Variants in CACNA1H observed in about 807,000 individuals in gnomAD.
The protein encoded by CACNA1H is calcium voltage-gated channel subunit alpha1 H.
CACNA1H carries 149 observed loss-of-function variants against 192.5 expected under a neutral mutation model. That is an observed-to-expected ratio of 0.77 (90% CI 0.68 to 0.89). The LOEUF (loss-of-function observed/expected upper bound fraction) is 0.89. Ranked by LOEUF, CACNA1H falls within the 40% of genes least tolerant of loss-of-function variation. The pLI is 0.00. For missense variants in CACNA1H, 4,257 were observed against 3,423.5 expected (o/e 1.24, Z -6.08); for synonymous variants, 2,202 against 1,475.2 (o/e 1.49, Z -11.29).
chr16:1,198,995 C>A (rs1159090403), intron 6 of CACNA1H: 1 of 562,250 alleles, frequency 1.8e-6, no homozygotes, highest in South Asian at 2.0e-5. Context: ...CACATGGCTC[C>A]GCCCACGGTG....
chr16:1,202,976 G>A (rs1458177606), intron 9 of CACNA1H, among the ~76,000 whole-genome samples: 1 of 152,076 alleles, frequency 6.6e-6, no homozygotes, highest in Non-Finnish European at 1.5e-5. Flanking sequence ...TCCACCAGGT[G>A]AATGGGAGAC....
rs1248000181 is a variant in CACNA1H at position 1,213,788 on chromosome 16, C to A, written c.4786C>A (p.Arg1596Ser). 3.9e-6 allele frequency: 6 copies of A among 1,558,172 alleles called. No homozygotes were observed. The highest frequency in any genetic ancestry group is 3.8e-5 in the Admixed American group (2 of 51,964). The change falls in exon 27 of 35, where the codon CGC (arginine) becomes AGC (serine). Residue 1596 changes from arginine to serine, a missense_variant. Physicochemically the swap from Arg to Ser is moderately radical, Grantham distance 110. Coordinates refer to ENST00000348261, the MANE Select transcript of CACNA1H (RefSeq NM_021098.3). ...RSTFPSPEAQRRPYYADYSPT... is the reference protein window; with the variant it reads ...RSTFPSPEAQSRPYYADYSPT... ...GGCCGCCCTCCCCGCAGAGGCCCAG[C>A]GCCGGCCCTACTATGCCGACTACTC...
chr16:1,206,920 A>ACCCC, intron 12 of CACNA1H, 81 bp from the exon 13 acceptor site: 1 of 48,168 alleles, frequency 2.1e-5, no homozygotes, highest in Non-Finnish European at 3.8e-5. Flanking sequence ...CCCTCCTCCC[A>ACCCC]CCCCCCTCCC....
chr16:1,196,129 G>A, intron 5 of CACNA1H, 106 bp downstream of exon 5: 2 of 901,412 alleles, frequency 2.2e-6, no homozygotes, highest in Non-Finnish European at 3.5e-6. Flanking sequence ...GGGAAATGAA[G>A]GTTACCAGGC....
rs1354832663 is a variant in CACNA1H, at chr16:1,217,942, G to A, written c.5347G>A (p.Glu1783Lys). The A allele has an allele frequency of 1.1e-5, 17 of 1,605,546 alleles. No homozygotes were observed. The highest frequency in any genetic ancestry group is 2.2e-5 in the South Asian group (2 of 89,526). ...AGAGTGCAGTGAAGACAACCCCTGC[G>A]AGGGCCTGAGCAGGCACGCCACCTT... The part of the protein sequence containing the change: ...RLECSEDNPC[E>K]GLSRHATFSN... Residue 1783 changes from glutamate (E) to lysine (K), a missense_variant, in exon 32 of 35, where the codon GAG (glutamate) becomes AAG (lysine). Coordinates refer to ENST00000348261, the MANE Select transcript of CACNA1H (RefSeq NM_021098.3).
chr16:1,199,420 A>AG lies in CACNA1H; in HGVS notation c.803+646_803+647insG, dbSNP rs1567504534. On this transcript the variant is annotated intron_variant, in intron 6 of 34. Coordinates refer to ENST00000348261, the MANE Select transcript of CACNA1H (RefSeq NM_021098.3). ...GTCGCTGCACATATGCCCCACCCCCATCATGGCTCCGCCCACCGTGCGGTC... is the reference window on the plus strand; with the variant it reads ...GTCGCTGCACATATGCCCCACCCCCAGTCATGGCTCCGCCCACCGTGCGGTC... Among the ~76,000 whole-genome samples the AG allele has an allele frequency of 2.3e-4, 4 of 17,606 alleles. 2 individuals carry two copies. The highest frequency in any genetic ancestry group is 5.6e-3 in the South Asian group (2 of 356). 11.6% of individuals were successfully genotyped at this position (17,606 alleles called of 152,430 possible). A position where few individuals can be genotyped will look rare whatever the true frequency, so the allele number is the denominator to read the frequency against.
Position 1,179,393 on chromosome 16 carries a change from T to G in CACNA1H, c.300-15579T>G, listed in dbSNP as rs74004852. Among the ~76,000 whole-genome samples the G allele has an allele frequency of 4.2e-3, 634 of 152,210 alleles. 2 individuals are homozygous for G. The highest frequency in any genetic ancestry group is 0.015 in the African/African-American group (605 of 41,548). On this transcript the variant is annotated intron_variant, in intron 2 of 34. Coordinates refer to ENST00000348261, the MANE Select transcript of CACNA1H (RefSeq NM_021098.3). ...ATGGACTCTCCTGCCCCCGCGAGGT[T>G]GGGGAGGTGGGAGAGCCGACCGAGC... is the stretch of plus-strand genomic sequence containing the variant.
rs1567538690 is a variant in CACNA1H, at chr16:1,210,558, G to A, written c.3970-25G>A. 5.6e-6 allele frequency: 9 copies of A among 1,609,738 alleles called. No individual in the cohort carries two copies. The East Asian group carries it at 6.7e-5, about 12-fold the overall frequency. On this transcript the variant is annotated intron_variant, in intron 19 of 34. Coordinates refer to ENST00000348261, the MANE Select transcript of CACNA1H (RefSeq NM_021098.3). ...CCCAGGGAGGGGTGGAGTGGACACAGCCCCCCACCGTCCTCTCCCGGCAGG... is the reference window on the plus strand; with the variant it reads ...CCCAGGGAGGGGTGGAGTGGACACAACCCCCCACCGTCCTCTCCCGGCAGG...
Position 1,221,397 on chromosome 16 carries a change from T to TCTCTG in CACNA1H, c.*403_*404insCTCTG. On this transcript the variant is annotated 3_prime_UTR_variant, in exon 35 of 35. Coordinates refer to ENST00000348261, the MANE Select transcript of CACNA1H (RefSeq NM_021098.3). ...GCCCTGTGCCCTTGCCGGCGGCAGG[T>TCTCTG]TGCAGCCACCGCGGCCCAATGTCAC... 3.3e-6 allele frequency: 1 copy of TCTCTG among 303,200 alleles called. No individual in the cohort carries two copies. The highest frequency in any genetic ancestry group is 6.3e-5 in the South Asian group (1 of 15,992). 18.8% of individuals were successfully genotyped at this position (303,200 alleles called of 1,614,324 possible).
At position 1,167,849 on chromosome 16, in the gene CACNA1H, C is replaced by G. The variant is rs1301234587; in HGVS notation, c.299+13813C>G. On this transcript the variant is annotated intron_variant, in intron 2 of 34. Coordinates refer to ENST00000348261, the MANE Select transcript of CACNA1H (RefSeq NM_021098.3). This position sits in a 1 kb window ranked among gnomAD's most constrained non-coding sequence, Gnocchi z 4.2. ...CTGCGAGGTTGGGGCGTGGCCTGGC[C>G]GTCCGTCCGCGGGGCCCGGGCTGCC... Among the ~76,000 whole-genome samples, 3 of 152,186 alleles carry G rather than the reference C, an allele frequency of 2.0e-5. No individual in the cohort carries two copies. Among genetic ancestry groups the G allele is most frequent in the Non-Finnish European group, 4.4e-5 (3 of 68,012 alleles).
intron 2 of CACNA1H, among the ~76,000 whole-genome samples, chr16:1,173,498 T>G (rs1352855512): frequency 6.6e-6 from 1 of 152,256 alleles, no homozygotes; most frequent in Non-Finnish European, 1.5e-5. Context: ...ACATGAAAAA[T>G]TTTAAAAAAT....
rs745936155 is a variant in CACNA1H at position 1,205,249 on chromosome 16, A to G, written c.2587A>G (p.Ile863Val). 1.7e-5 allele frequency: 28 copies of G among 1,607,736 alleles called. No homozygotes were observed. In the South Asian group the frequency reaches 2.7e-4, roughly 16 times the overall value. ...IRNPYNIFDG[I>V]IVVISVWEIV... is the part of the protein sequence containing the mutation. ...GAACCCGTACAACATCTTCGACGGC[A>G]TCATCGTGGTCATCAGGTGGGTCCC... The change falls in exon 11 of 35, where the codon ATC becomes GTC. Residue 863 changes from isoleucine to valine, a missense_variant. Transcript: ENST00000348261.
Position 1,218,789 on chromosome 16 carries a change from C to A in CACNA1H, c.5887+138C>A, listed in dbSNP as rs996620670. On this transcript the variant is annotated intron_variant, in intron 33 of 34. Transcript: ENST00000348261. Reference sequence around the variant, plus strand: ...GGGCGGGAAGGAGGATGGGGGCAGGCAGGAGGGAGGATGGAGGCCAGATTG... The same window carrying A: ...GGGCGGGAAGGAGGATGGGGGCAGGAAGGAGGGAGGATGGAGGCCAGATTG... 1.1e-5 allele frequency: 12 copies of A among 1,138,794 alleles called. No homozygotes were observed. The African/African-American group carries it at 1.2e-4, about 12-fold the overall frequency. 70.5% of individuals were successfully genotyped at this position (1,138,794 alleles called of 1,614,324 possible). A position where few individuals can be genotyped will look rare whatever the true frequency, so the allele number is the denominator to read the frequency against.
At chr16:1,193,905 C>T (rs1347062240) in intron 2 of CACNA1H, among the ~76,000 whole-genome samples, 1 of 152,140 alleles carries the variant, frequency 6.6e-6, no homozygotes, top group Admixed American at 6.5e-5. Flanking sequence ...ACCGTGGCAG[C>T]TGCCCTTCCT....
chr16:1,209,503 GTGT>G, intron 17 of CACNA1H, 91 bp downstream of exon 17: 1 of 1,494,920 alleles, frequency 6.7e-7, no homozygotes, highest in Non-Finnish European at 9.1e-7. Context: ...GATTCAGGGC[GTGT>G]TGTTGACTGA....
At chr16:1,155,775 T>C (rs2151618026) in intron 2 of CACNA1H, among the ~76,000 whole-genome samples, 1 of 152,250 alleles carries the variant, frequency 6.6e-6, no homozygotes, top group East Asian at 1.9e-4. Flanking sequence ...AAGGAGGTTG[T>C]TTGCGTTGCT....
At chr16:1,218,672 A>G (rs1393899625) in intron 33 of CACNA1H, 21 bp downstream of exon 33, 4 of 1,451,434 alleles carry the variant, frequency 2.8e-6, no homozygotes, top group Non-Finnish European at 3.7e-6. Flanking sequence ...CAGCAGGAAG[A>G]TATGGGCTGG....
At chr16:1,176,296 C>G (rs1567459008) in intron 2 of CACNA1H, among the ~76,000 whole-genome samples, 1 of 152,220 alleles carries the variant, frequency 6.6e-6, no homozygotes, top group Non-Finnish European at 1.5e-5. Context: ...CACGGGAGGG[C>G]AGGGGCGAGG....
chr16:1,218,054 C>A lies in CACNA1H; in HGVS notation c.5445+14C>A, dbSNP rs1453575061. On this transcript the variant is annotated intron_variant, in intron 32 of 34. Coordinates refer to ENST00000348261, the MANE Select transcript of CACNA1H (RefSeq NM_021098.3). ...GGGATCATGAAGGTACCCGCCGCGG[C>A]CATGCCTCTGGCACCTGGCAGCCCC... 1.3e-6 allele frequency: 2 copies of A among 1,594,966 alleles called. No individual in the cohort carries two copies. The highest frequency in any genetic ancestry group is 1.7e-5 in the Admixed American group (1 of 58,216).
Sources: gnomAD v4.1 joint callset for allele counts (sites outside exome capture counted in the v4.1 genomes callset) on GRCh38, gnomAD v4.1.1 for gene constraint, Gnocchi (gnomAD v3.1) non-coding constraint, MANE v1.5 for transcripts, NCBI Gene and HGNC (gene_info 2026-07-23, HGNC 2026-07-21) for gene names.